Variants in CHLSN observed in about 807,000 individuals in gnomAD.
The protein encoded by CHLSN is cholesin.
At chr7:1,010,172 G>A in the CHLSN span, 25 of 1,583,478 alleles carry the variant, frequency 1.6e-5, no homozygotes, top group African/African-American at 4.0e-5. Flanking sequence ...ATTAGGCTTC[G>A]GGGATGGAGG....
chr7:1,041,586 T>C, the CHLSN span, among the ~76,000 whole-genome samples: 3 of 152,210 alleles, frequency 2.0e-5, no homozygotes, highest in South Asian at 2.1e-4. Context: ...AGGCTCACTC[T>C]CATTTTATCA....
At chr7:1,096,164 C>T in the CHLSN span, among the ~76,000 whole-genome samples, 3 of 152,340 alleles carry the variant, frequency 2.0e-5, no homozygotes, top group African/African-American at 4.8e-5. This position sits in a 1 kb window ranked among gnomAD's most constrained non-coding sequence, Gnocchi z 4.6. Flanking sequence ...GGAAGCGTCA[C>T]GCCGCCCCAC....
At chr7:1,124,820 C>T in the CHLSN span, among the ~76,000 whole-genome samples, 4 of 152,056 alleles carry the variant, frequency 2.6e-5, no homozygotes, top group Non-Finnish European at 5.9e-5. Flanking sequence ...AGCCGAAATT[C>T]AAGGTGAGGC....
chr7:1,136,685 CCA>C, the CHLSN span, among the ~76,000 whole-genome samples: 34 of 148,272 alleles, frequency 2.3e-4, no homozygotes, highest in African/African-American at 8.2e-4. Flanking sequence ...ATATATATAA[CCA>C]TATATATGTA....
At chr7:1,105,949 C>T in the CHLSN span, among the ~76,000 whole-genome samples, 1 of 152,106 alleles carries the variant, frequency 6.6e-6, no homozygotes, top group Admixed American at 6.5e-5. Flanking sequence ...CAGAAAGACG[C>T]GTCCATATCA....
chr7:1,084,529 G>A, the CHLSN span, among the ~76,000 whole-genome samples: 1 of 152,234 alleles, frequency 6.6e-6, no homozygotes, highest in Non-Finnish European at 1.5e-5. Flanking sequence ...TGTGCCTATG[G>A]GGGAGAAGCG....
the CHLSN span, among the ~76,000 whole-genome samples, chr7:1,046,961 C>T: frequency 3.9e-5 from 6 of 152,194 alleles, no homozygotes; most frequent in South Asian, 4.1e-4. Flanking sequence ...AACCGGGGCT[C>T]GACTGAGGAG....
At chr7:1,136,613 T>A in the CHLSN span, among the ~76,000 whole-genome samples, 46 of 144,602 alleles carry the variant, frequency 3.2e-4, no homozygotes, top group African/African-American at 9.6e-4. Flanking sequence ...TAAATATATA[T>A]AAATATATAA....
chr7:1,083,392 A>C, the CHLSN span, among the ~76,000 whole-genome samples: 1 of 152,122 alleles, frequency 6.6e-6, no homozygotes, highest in Non-Finnish European at 1.5e-5. Flanking sequence ...TGGGAGGGTG[A>C]GGCGGGTGGA....
chr7:1,136,758 T>G, the CHLSN span, among the ~76,000 whole-genome samples: 1 of 151,778 alleles, frequency 6.6e-6, no homozygotes, highest in Admixed American at 6.6e-5. Context: ...TCAATACCCC[T>G]GATCACCCTC....
chr7:1,029,990 C>T, the CHLSN span, among the ~76,000 whole-genome samples: 7 of 152,148 alleles, frequency 4.6e-5, no homozygotes, highest in African/African-American at 7.2e-5. Flanking sequence ...GCAGTGCTTC[C>T]GATTTAGTGT....
the CHLSN span, among the ~76,000 whole-genome samples, chr7:1,070,306 T>TGG: frequency 7.9e-6 from 1 of 126,198 alleles, no homozygotes; most frequent in African/African-American, 3.0e-5. Context: ...GGGAGGGAGG[T>TGG]GGGGGGTCAG....
At chr7:1,070,677 G>A in the CHLSN span, among the ~76,000 whole-genome samples, 8 of 136,198 alleles carry the variant, frequency 5.9e-5, no homozygotes, top group East Asian at 6.8e-4. Flanking sequence ...ATACGCACAC[G>A]TGCACGATAC....
the CHLSN span, among the ~76,000 whole-genome samples, chr7:1,132,672 C>T: frequency 8.3e-6 from 1 of 119,856 alleles, no homozygotes; most frequent in South Asian, 2.8e-4. Context: ...CCAGCCTGGA[C>T]AACAGAGTGA....
chr7:1,020,929 C>T, the CHLSN span, among the ~76,000 whole-genome samples: 3 of 152,210 alleles, frequency 2.0e-5, no homozygotes, highest in African/African-American at 7.2e-5. Flanking sequence ...AAAGACACCA[C>T]CAGGTGGAGC....
At chr7:1,074,509 G>GCT in the CHLSN span, 2 of 152,438 alleles carry the variant, frequency 1.3e-5, no homozygotes, top group East Asian at 3.9e-4. Flanking sequence ...GTAGACGGCA[G>GCT]CACACGGCCC....
chr7:987,192 C>A, the CHLSN span: 1 of 1,553,672 alleles, frequency 6.4e-7, no homozygotes, highest in Non-Finnish European at 8.7e-7. Flanking sequence ...GAGACGACCT[C>A]GGCCACGCTG....
the CHLSN span, among the ~76,000 whole-genome samples, chr7:1,068,551 C>A: frequency 6.6e-6 from 1 of 152,180 alleles, no homozygotes; most frequent in Non-Finnish European, 1.5e-5. Context: ...ACTTCCAAGA[C>A]ACAGTGTCTT....
At chr7:1,020,377 G>C in the CHLSN span, among the ~76,000 whole-genome samples, 1 of 152,182 alleles carries the variant, frequency 6.6e-6, no homozygotes, top group African/African-American at 2.4e-5. Flanking sequence ...AGCCAGGACA[G>C]CCTCTCCAAG....
Sources: gnomAD v4.1 joint callset for allele counts (sites outside exome capture counted in the v4.1 genomes callset) on GRCh38, gnomAD v4.1.1 for gene constraint, Gnocchi (gnomAD v3.1) non-coding constraint, MANE v1.5 for transcripts, NCBI Gene and HGNC (gene_info 2026-07-23, HGNC 2026-07-21) for gene names.